Variants in DYNLT5 observed in about 807,000 individuals in gnomAD.
DYNLT5 encodes the protein dynein light chain Tctex-type 5.
A neutral mutation model predicts 19.3 loss-of-function variants in DYNLT5; 25 were observed. The ratio of observed to expected loss-of-function variants is 1.30; its 90% CI spans 0.95 to 1.81. The LOEUF is 1.81. DYNLT5 is among the 40% of genes most tolerant of loss of function. The probability of loss-of-function intolerance (pLI) is 0.00; values close to 1 mark genes in which losing one functional copy is unlikely to be tolerated. For synonymous variants in DYNLT5, 82 were observed against 68.9 expected (o/e 1.19, Z -0.94); for missense variants, 232 against 217.9 (o/e 1.06, Z -0.41).
At chr1:66,758,823 T>C (rs1404231462) in intron 2 of DYNLT5, among the ~76,000 whole-genome samples, 1 of 152,216 alleles carries the variant, frequency 6.6e-6, no homozygotes, top group Non-Finnish European at 1.5e-5. Context: ...GAATTTATTC[T>C]ATCATTCAAT....
At chr1:66,753,700 G>A (rs1364759779) in intron 1 of DYNLT5, among the ~76,000 whole-genome samples, 3 of 152,148 alleles carry the variant, frequency 2.0e-5, no homozygotes, top group Non-Finnish European at 4.4e-5. Flanking sequence ...TGTAATTCCA[G>A]CACTTTGGGA....
rs543472777 is a variant in DYNLT5, at chr1:66,771,789, T to G, written c.211+1311T>G. Among the ~76,000 whole-genome samples, 4 of 152,334 alleles carry G rather than the reference T, an allele frequency of 2.6e-5. No individual in the cohort carries two copies. The South Asian group carries it at 8.3e-4, about 32-fold the overall frequency. On this transcript the variant is annotated intron_variant, in intron 3 of 4. Coordinates refer to ENST00000282670, the MANE Select transcript of DYNLT5 (RefSeq NM_152665.3). The stretch of plus-strand genomic sequence containing the variant: ...CATGCTGGAAGGGTTTGAATCAGAT[T>G]TGAACAAGACAGGGCCAGTGAAATG...
chr1:66,776,377 A>C lies in DYNLT5; in HGVS notation c.310A>C (p.Arg104=). 1 of 1,606,104 alleles carries C rather than the reference A, an allele frequency of 6.2e-7. No individual in the cohort carries two copies. The highest frequency in any genetic ancestry group is 8.5e-7 in the Non-Finnish European group (1 of 1,175,696). Residue 104 remains arginine, a synonymous_variant, in exon 4 of 5, where the codon AGA becomes CGA. Coordinates refer to ENST00000282670, the MANE Select transcript of DYNLT5 (RefSeq NM_152665.3). ...QVEEYEPELC[R]QMTKTISEVI... is the part of the protein sequence containing the mutation. ...AGAAGAATATGAACCAGAGCTCTGT[A>C]GACAGATGACTAAAACCATTTCTGA...
At chr1:66,769,569 A>G (rs1020519350) in intron 2 of DYNLT5, among the ~76,000 whole-genome samples, 3 of 151,960 alleles carry the variant, frequency 2.0e-5, no homozygotes, top group Non-Finnish European at 4.4e-5. Flanking sequence ...ATGCTATTAT[A>G]TCCTCCCCTT....
chr1:66,757,586 T>G (rs949769979), intron 2 of DYNLT5, among the ~76,000 whole-genome samples: 3 of 152,124 alleles, frequency 2.0e-5, no homozygotes, highest in Non-Finnish European at 4.4e-5. Context: ...GTCATCATAC[T>G]CCATCTGTAA....
At position 66,776,394 on chromosome 1, in the gene DYNLT5, C is replaced by G. The variant is rs775274163; in HGVS notation, c.327C>G (p.Thr109=). The change falls in exon 4 of 5, where the codon ACC becomes ACG. Residue 109 remains threonine, a synonymous_variant. Coordinates refer to ENST00000282670, the MANE Select transcript of DYNLT5 (RefSeq NM_152665.3). ...EPELCRQMTK[T]ISEVIKAQVK... Reference sequence around the variant, plus strand: ...AGCTCTGTAGACAGATGACTAAAACCATTTCTGAGGTACGTGTGTGATTTG... The same window carrying G: ...AGCTCTGTAGACAGATGACTAAAACGATTTCTGAGGTACGTGTGTGATTTG... 1.3e-6 allele frequency: 2 copies of G among 1,598,546 alleles called. No homozygotes were observed. The highest frequency in any genetic ancestry group is 2.3e-5 in the South Asian group (2 of 87,632).
At chr1:66,776,560 G>GTGTGTGTGTGT (rs1557875500) in intron 4 of DYNLT5, among the ~76,000 whole-genome samples, 157 bp downstream of exon 4, 28 of 126,688 alleles carry the variant, frequency 2.2e-4, no homozygotes, top group African/African-American at 7.5e-4. Context: ...TGTGTGTGTG[G>GTGTGTGTGTGT]GTGTGTGTGT....
intron 1 of DYNLT5, among the ~76,000 whole-genome samples, chr1:66,753,531 A>G (rs935151936): frequency 1.8e-4 from 27 of 152,258 alleles, no homozygotes; most frequent in African/African-American, 6.3e-4. Context: ...TGCTCTTTAC[A>G]AACTATGTAA....
intron 2 of DYNLT5, among the ~76,000 whole-genome samples, chr1:66,759,151 T>C (rs563649094): frequency 6.6e-6 from 1 of 152,356 alleles, no homozygotes; most frequent in Admixed American, 6.5e-5. Context: ...ACAGACAAGA[T>C]ATTTTTATCC....
chr1:66,772,706 A>G (rs759535624), intron 3 of DYNLT5, among the ~76,000 whole-genome samples: 11 of 152,222 alleles, frequency 7.2e-5, no homozygotes, highest in Non-Finnish European at 1.6e-4. Flanking sequence ...AAATGAGAGC[A>G]TTTACATAAA....
At chr1:66,775,560 T>C (rs1242380133) in intron 3 of DYNLT5, 1 of 152,184 alleles carries the variant, frequency 6.6e-6, no homozygotes, top group Non-Finnish European at 1.5e-5. Flanking sequence ...TTGCTTACCA[T>C]TTCACTGGAA....
At chr1:66,768,621 T>A (rs1449191581) in intron 2 of DYNLT5, 1 of 152,202 alleles carries the variant, frequency 6.6e-6, no homozygotes, top group South Asian at 2.1e-4. Context: ...TTTATAAAAA[T>A]CCTTATTTGC....
intron 2 of DYNLT5, among the ~76,000 whole-genome samples, chr1:66,756,797 G>A (rs529888981): frequency 1.3e-4 from 20 of 152,206 alleles, no homozygotes; most frequent in Middle Eastern, 3.4e-3. Context: ...ACCATCTTGC[G>A]GGCATCATCC....
intron 1 of DYNLT5, 128 bp from the exon 2 acceptor site, chr1:66,754,528 G>T (rs1007822151): frequency 3.2e-4 from 295 of 933,782 alleles, no homozygotes; most frequent in Middle Eastern, 8.7e-4. Context: ...TGCTCTTGAG[G>T]AAACCCCACT....
rs2094633045 is a variant in DYNLT5 at position 66,754,764 on chromosome 1, G to A, written c.106G>A (p.Gly36Arg). 2 of 1,611,866 alleles carry A rather than the reference G, an allele frequency of 1.2e-6. No homozygotes were observed. Among genetic ancestry groups the A allele is most frequent in the African/African-American group, 1.3e-5 (1 of 74,948 alleles). ...NHEFWRKEIH[G>R]RIKDSMSTVS... ...TGAATTTTGGCGAAAGGAAATTCAT[G>A]GGCGCATCAAAGAGTGAGTAACTGT... is the stretch of plus-strand genomic sequence containing the variant. The change falls in exon 2 of 5, where the codon GGG (glycine) becomes AGG (arginine). Residue 36 changes from glycine (G) to arginine (R), a missense_variant. Gly to Arg is a moderately radical substitution (Grantham distance 125). Transcript: ENST00000282670.
intron 2 of DYNLT5, among the ~76,000 whole-genome samples, chr1:66,759,484 T>C (rs1032055375): frequency 8.5e-5 from 13 of 152,088 alleles, no homozygotes; most frequent in Non-Finnish European, 1.5e-4. Context: ...ATAGACATAA[T>C]TAATAGGCTG....
At position 66,778,094 on chromosome 1, in the gene DYNLT5, A is replaced by G. The variant is rs1363256711; in HGVS notation, c.*640A>G. 2 of 152,652 alleles carry G rather than the reference A, an allele frequency of 1.3e-5. No homozygotes were observed. The highest frequency in any genetic ancestry group is 4.8e-5 in the African/African-American group (2 of 41,454). 9.5% of individuals were successfully genotyped at this position (152,652 alleles called of 1,614,324 possible). A position where few individuals can be genotyped will look rare whatever the true frequency, so the allele number is the denominator to read the frequency against. On this transcript the variant is annotated 3_prime_UTR_variant, in exon 5 of 5. Transcript: ENST00000282670. ...CCTGCACTTTACACAATTGTGGGAG[A>G]ACCGAAAGTTGGCTCTTCAGTAATG...
At chr1:66,776,591 C>T (rs1044296668) in intron 4 of DYNLT5, among the ~76,000 whole-genome samples, 188 bp downstream of exon 4, 1 of 150,682 alleles carries the variant, frequency 6.6e-6, no homozygotes, top group Non-Finnish European at 1.5e-5. Context: ...ATACATAAAG[C>T]CTTTGTCTAA....
Position 66,777,368 on chromosome 1 carries a change from C to A in DYNLT5, c.454C>A (p.Pro152Thr), listed in dbSNP as rs2150870251. The A allele has an allele frequency of 1.2e-6, 2 of 1,613,936 alleles. No homozygotes were observed. Among genetic ancestry groups the A allele is most frequent in the Non-Finnish European group, 1.7e-6 (2 of 1,179,894 alleles). The change falls in exon 5 of 5, where the codon CCT (proline) becomes ACT (threonine). Residue 152 changes from proline (P) to threonine (T), a missense_variant. Physicochemically the swap from Pro to Thr is conservative, Grantham distance 38. Coordinates refer to ENST00000282670, the MANE Select transcript of DYNLT5 (RefSeq NM_152665.3). ...ILIGSRCLWD[P>T]KSDTFSSYVF... is the part of the protein sequence containing the mutation. The stretch of plus-strand genomic sequence containing the variant: ...TATTGGAAGCAGATGCCTCTGGGAT[C>A]CTAAAAGTGATACCTTTTCATCTTA...
Sources: gnomAD v4.1 joint callset for allele counts (sites outside exome capture counted in the v4.1 genomes callset) on GRCh38, gnomAD v4.1.1 for gene constraint, MANE v1.5 for transcripts, NCBI Gene and HGNC (gene_info 2026-07-23, HGNC 2026-07-21) for gene names.